Variants in DIAPH1 observed in about 807,000 individuals in gnomAD.
The protein encoded by DIAPH1 is protein diaphanous homolog 1.
In DIAPH1, 46 loss-of-function variants were observed where a neutral mutation model predicts 140.7. The observed-to-expected ratio is 0.33, with a 90% CI of 0.26 to 0.42. The LOEUF (loss-of-function observed/expected upper bound fraction) is 0.42, where lower values mean the gene tolerates loss of function less well. Ranked by LOEUF, DIAPH1 falls within the 10% of genes least tolerant of loss-of-function variation. The pLI, the probability that DIAPH1 is intolerant of heterozygous loss-of-function variation, is 1.00. For missense variants in DIAPH1, 1,310 were observed against 1,558.7 expected (o/e 0.84, Z 2.69); for synonymous variants, 565 against 551.6 (o/e 1.02, Z -0.34).
intron 18 of DIAPH1, among the ~76,000 whole-genome samples, chr5:141,562,740 G>A (rs936882614): frequency 6.6e-6 from 1 of 152,136 alleles, no homozygotes; most frequent in Non-Finnish European, 1.5e-5. Flanking sequence ...TTTGGAGGGA[G>A]ACTTGTTCAG....
intron 1 of DIAPH1, among the ~76,000 whole-genome samples, chr5:141,606,312 A>G (rs2099900953): frequency 2.6e-5 from 4 of 152,226 alleles, no homozygotes; most frequent in African/African-American, 7.2e-5. Flanking sequence ...ATAGATTCAA[A>G]TAATATGGGA....
intron 8 of DIAPH1, 50 bp downstream of exon 8, chr5:141,580,694 G>A (rs766918876): frequency 6.2e-7 from 1 of 1,604,276 alleles, no homozygotes; most frequent in African/African-American, 1.3e-5. Flanking sequence ...TGAACTAAGA[G>A]AAAATGATAA....
In DIAPH1 at chr5:141,594,765, G is replaced by A. The variant is rs943179245; in HGVS notation, c.118-6515C>T. On this transcript the variant is annotated intron_variant, in intron 1 of 27. Transcript: ENST00000389054. ...CTCAAAAAAAGGAAAAGGCGGCCAG[G>A]TGCGGTGGCTCATGCCTGTAATCCC... Among the ~76,000 whole-genome samples the A allele has an allele frequency of 3.3e-5, 5 of 151,592 alleles. No individual in the cohort carries two copies. In the East Asian group the frequency reaches 9.8e-4, roughly 30 times the overall value.
intron 18 of DIAPH1, chr5:141,536,152 A>G (rs1727564315): frequency 5.3e-6 from 2 of 376,696 alleles, no homozygotes; most frequent in Non-Finnish European, 1.1e-5. Flanking sequence ...AAGTTCAAAA[A>G]TTAGCCGGGC....
At chr5:141,562,363 A>T (rs1323181264) in intron 18 of DIAPH1, among the ~76,000 whole-genome samples, 2 of 152,178 alleles carry the variant, frequency 1.3e-5, no homozygotes, top group African/African-American at 4.8e-5. Context: ...ACTCTCCAGG[A>T]TATAGAAGCA....
At chr5:141,578,988 G>T in intron 9 of DIAPH1, 100 bp downstream of exon 9, 1 of 890,686 alleles carries the variant, frequency 1.1e-6, no homozygotes, top group Non-Finnish European at 1.9e-6. Context: ...AAAATATATA[G>T]TTGGGAGGCA....
chr5:141,537,440 G>A (rs936344380), intron 18 of DIAPH1, among the ~76,000 whole-genome samples: 3 of 129,038 alleles, frequency 2.3e-5, no homozygotes, highest in Middle Eastern at 5.2e-3. Context: ...CTGAGATCGC[G>A]CCATTGCACT....
chr5:141,610,127 ATTTCTTTC>A (rs531563380), intron 1 of DIAPH1, among the ~76,000 whole-genome samples: 42 of 151,654 alleles, frequency 2.8e-4, no homozygotes, highest in African/African-American at 1.0e-3. Context: ...GTGAGACCCC[ATTTCTTTC>A]TTTCTTTCTT....
In DIAPH1 at chr5:141,578,333, T is replaced by C. The variant is rs779820289; in HGVS notation, c.1055A>G (p.Glu352Gly). The change falls in exon 11 of 28, where the codon GAG (glutamate) becomes GGG (glycine). Residue 352 changes from glutamate (E) to glycine (G), a missense_variant. Glu to Gly is a moderately conservative substitution (Grantham distance 98). Transcript: ENST00000389054. The stretch of plus-strand genomic sequence containing the variant: ...CACTCTCATATCTTCATTTTCAATC[T>C]CTCGAAGGTCCTGTCAACAACAAAA... ...GLHQVLQDLR[E>G]IENEDMRVQL... is the part of the protein sequence containing the mutation. 3 of 1,613,282 alleles carry C rather than the reference T, an allele frequency of 1.9e-6. No homozygotes were observed. The highest frequency in any genetic ancestry group is 1.3e-5 in the African/African-American group (1 of 75,010).
intron 1 of DIAPH1, among the ~76,000 whole-genome samples, chr5:141,607,698 T>C (rs1263277950): frequency 5.9e-5 from 9 of 152,250 alleles, no homozygotes; most frequent in Non-Finnish European, 1.3e-4. Flanking sequence ...AAACCTCATA[T>C]AATTGCTATA....
At chr5:141,524,643 G>T (rs944957187) in intron 26 of DIAPH1, 1 of 310,158 alleles carries the variant, frequency 3.2e-6, no homozygotes, top group Middle Eastern at 1.2e-3. Context: ...GAGCAGGGCC[G>T]AGGAAAGACC....
intron 19 of DIAPH1, among the ~76,000 whole-genome samples, chr5:141,533,045 G>T (rs1034450677): frequency 6.6e-6 from 1 of 152,192 alleles, no homozygotes; most frequent in Non-Finnish European, 1.5e-5. Context: ...TGGTCTCATT[G>T]TATCACTGAC....
At chr5:141,528,661 C>G (rs774379327) in intron 22 of DIAPH1, 41 bp downstream of exon 22, 1 of 1,614,118 alleles carries the variant, frequency 6.2e-7, no homozygotes, top group African/African-American at 1.3e-5. Context: ...ATAGAGGCTA[C>G]AGCCTTCCTT....
chr5:141,550,063 A>C (rs1408895158), intron 18 of DIAPH1, among the ~76,000 whole-genome samples: 3 of 152,226 alleles, frequency 2.0e-5, no homozygotes, highest in Non-Finnish European at 4.4e-5. Context: ...AAAGTTGTCC[A>C]AGTTGCATTC....
intron 27 of DIAPH1, among the ~76,000 whole-genome samples, chr5:141,521,266 CTT>C (rs567118534): frequency 2.0e-5 from 3 of 152,172 alleles, no homozygotes; most frequent in Non-Finnish European, 4.4e-5. Context: ...AGTTGAATTT[CTT>C]TCTTCCCTTG....
intron 1 of DIAPH1, among the ~76,000 whole-genome samples, chr5:141,605,235 T>A (rs544372993): frequency 6.6e-6 from 1 of 152,184 alleles, no homozygotes; most frequent in Non-Finnish European, 1.5e-5. Flanking sequence ...TTTCAAAGAT[T>A]AGAAAGCTGG....
chr5:141,575,648 CA>C (rs1254784264), intron 14 of DIAPH1, among the ~76,000 whole-genome samples: 4 of 127,898 alleles, frequency 3.1e-5, no homozygotes, highest in South Asian at 2.4e-4. Context: ...GACTCCGTCT[CA>C]AAAAAAAAAC....
At chr5:141,577,340 A>G (rs2099896120) in intron 12 of DIAPH1, 135 bp downstream of exon 12, 2 of 758,470 alleles carry the variant, frequency 2.6e-6, no homozygotes, top group Non-Finnish European at 4.8e-6. Context: ...CTTCCTTTAT[A>G]TCGGTGACTA....
chr5:141,604,371 T>C (rs528536055), intron 1 of DIAPH1, among the ~76,000 whole-genome samples: 1 of 152,352 alleles, frequency 6.6e-6, no homozygotes, highest in Admixed American at 6.5e-5. Flanking sequence ...CTTCCTTTCT[T>C]ACTAGGCCTC....
Sources: gnomAD v4.1 joint callset for allele counts (sites outside exome capture counted in the v4.1 genomes callset) on GRCh38, gnomAD v4.1.1 for gene constraint, MANE v1.5 for transcripts, NCBI Gene and HGNC (gene_info 2026-07-23, HGNC 2026-07-21) for gene names.